GPC6: variants seen among roughly 807,000 people sequenced by gnomAD.
The protein encoded by GPC6 is glypican 6.
In GPC6, 14 loss-of-function variants were observed where a neutral mutation model predicts 55.2. The observed-to-expected ratio is 0.25, with a 90% CI of 0.17 to 0.40. The LOEUF (loss-of-function observed/expected upper bound fraction) is 0.40, where lower values mean the gene tolerates loss of function less well. Among genes scored for constraint, GPC6 ranks in the 10% least tolerant of loss-of-function variants. The probability of loss-of-function intolerance (pLI) is 1.00; values close to 1 mark genes in which losing one functional copy is unlikely to be tolerated. For synonymous variants in GPC6, 278 were observed against 259.6 expected, an observed-to-expected ratio of 1.07 and a Z score of -0.68; for missense variants, 641 against 708.5, an observed-to-expected ratio of 0.90 and a Z score of 1.08.
chr13:93,825,260 G>A (rs1887190351), intron 2 of GPC6, among the ~76,000 whole-genome samples: 1 of 152,052 alleles, frequency 6.6e-6, no homozygotes, highest in Non-Finnish European at 1.5e-5. Flanking sequence ...AAAGGTAGAG[G>A]CCAGGCATAC....
intron 1 of GPC6, among the ~76,000 whole-genome samples, chr13:93,336,506 G>C (rs765383000): frequency 1.8e-4 from 28 of 152,074 alleles, no homozygotes; most frequent in Non-Finnish European, 7.4e-5. Context: ...AGAAAGGCAG[G>C]GTGCTTTTAT....
At chr13:93,999,866 A>C (rs563863061) in intron 3 of GPC6, among the ~76,000 whole-genome samples, 30 of 152,290 alleles carry the variant, frequency 2.0e-4, no homozygotes, top group African/African-American at 6.7e-4. Context: ...AACAAAACCA[A>C]ACATTTATAC....
intron 4 of GPC6, among the ~76,000 whole-genome samples, chr13:94,254,814 T>C (rs1248822900): frequency 6.6e-6 from 1 of 152,174 alleles, no homozygotes; most frequent in African/African-American, 2.4e-5. Context: ...TTCCAAACTC[T>C]GCTCATCAGT....
intron 4 of GPC6, among the ~76,000 whole-genome samples, chr13:94,088,534 GAAAA>G (rs1885365444): frequency 1.0e-5 from 1 of 96,438 alleles, no homozygotes; most frequent in Non-Finnish European, 1.9e-5. Flanking sequence ...ATATTAAAAA[GAAAA>G]AGAGAGGGAA....
At chr13:93,997,403 C>T (rs1412894975) in intron 3 of GPC6, among the ~76,000 whole-genome samples, 1 of 152,152 alleles carries the variant, frequency 6.6e-6, no homozygotes, top group East Asian at 1.9e-4. Flanking sequence ...TATGCATCGA[C>T]TTTACCCAAT....
At chr13:93,691,032 G>A (rs543645530) in intron 2 of GPC6, among the ~76,000 whole-genome samples, 38 of 151,918 alleles carry the variant, frequency 2.5e-4, no homozygotes, top group Middle Eastern at 3.4e-3. Context: ...TAATCTATTC[G>A]CTTCAGCTTT....
chr13:93,562,407 T>G (rs1875860772), intron 2 of GPC6, among the ~76,000 whole-genome samples: 1 of 152,156 alleles, frequency 6.6e-6, no homozygotes. Flanking sequence ...AACAGGATAC[T>G]ATCATGAGAA....
At chr13:94,151,144 C>T (rs1311777251) in intron 4 of GPC6, among the ~76,000 whole-genome samples, 1 of 151,884 alleles carries the variant, frequency 6.6e-6, no homozygotes, top group Non-Finnish European at 1.5e-5. Context: ...GAGGTAGAGG[C>T]AGGTGTGGAA....
chr13:93,997,581 A>ATGTGTGTGTGTGTGTG lies in GPC6; in HGVS notation c.712-30137_712-30122dup, dbSNP rs146601294. ...TCACATCAGCATAAAAAGACATAAT[A>ATGTGTGTGTGTGTGTG]TGTGTGTGTGTGTGTGTGTGTGTGT... On this transcript the variant is annotated intron_variant, in intron 3 of 8. Transcript: ENST00000377047. Among the ~76,000 whole-genome samples, 880 of 148,914 alleles carry ATGTGTGTGTGTGTGTG rather than the reference A, an allele frequency of 5.9e-3. 16 individuals carry two copies. Among genetic ancestry groups the ATGTGTGTGTGTGTGTG allele is most frequent in the East Asian group, 0.039 (194 of 5,016 alleles).
chr13:93,534,251 T>C (rs1881970824), intron 1 of GPC6, among the ~76,000 whole-genome samples: 2 of 152,172 alleles, frequency 1.3e-5, no homozygotes. Flanking sequence ...TGCCATCACC[T>C]TTCAGCTTTG....
At chr13:93,392,668 A>T (rs1210131296) in intron 1 of GPC6, among the ~76,000 whole-genome samples, 1 of 152,196 alleles carries the variant, frequency 6.6e-6, no homozygotes, top group Non-Finnish European at 1.5e-5. Flanking sequence ...AATTAAATAT[A>T]TGGGCAATGT....
intron 1 of GPC6, among the ~76,000 whole-genome samples, chr13:93,232,743 A>G (rs377091083): frequency 9.2e-5 from 14 of 152,262 alleles, no homozygotes; most frequent in African/African-American, 3.4e-4. Flanking sequence ...AAAATTATGG[A>G]TGAAATTTAC....
At chr13:93,625,582 C>A (rs371156337) in intron 2 of GPC6, among the ~76,000 whole-genome samples, 1 of 152,134 alleles carries the variant, frequency 6.6e-6, no homozygotes, top group African/African-American at 2.4e-5. Flanking sequence ...CCCATCCTGT[C>A]CTTGAAGAGA....
At chr13:94,164,454 G>A (rs1888279875) in intron 4 of GPC6, among the ~76,000 whole-genome samples, 2 of 152,152 alleles carry the variant, frequency 1.3e-5, no homozygotes, top group Admixed American at 1.3e-4. Flanking sequence ...ATTCTTGTAT[G>A]ATTAAGCAAA....
intron 2 of GPC6, among the ~76,000 whole-genome samples, chr13:93,668,780 G>A (rs1383845398): frequency 1.3e-5 from 2 of 152,096 alleles, no homozygotes; most frequent in Admixed American, 6.6e-5. Context: ...AAAAGAGAAC[G>A]ATTAACTTTT....
intron 6 of GPC6, among the ~76,000 whole-genome samples, chr13:94,341,160 G>A (rs1160775967): frequency 6.6e-6 from 1 of 152,150 alleles, no homozygotes; most frequent in East Asian, 1.9e-4. Flanking sequence ...TATACTAACA[G>A]GTTCTGTAAT....
intron 3 of GPC6, among the ~76,000 whole-genome samples, chr13:93,855,512 G>A (rs76426332): frequency 5.5e-4 from 83 of 151,736 alleles, no homozygotes; most frequent in Admixed American, 3.3e-3. Context: ...GTTTTTGTGT[G>A]GATATGTTTT....
intron 2 of GPC6, among the ~76,000 whole-genome samples, chr13:93,681,496 A>C (rs1299046646): frequency 6.6e-6 from 1 of 152,166 alleles, no homozygotes; most frequent in Non-Finnish European, 1.5e-5. Flanking sequence ...AACTAATGGT[A>C]ATAATATACA....
intron 2 of GPC6, among the ~76,000 whole-genome samples, chr13:93,742,376 A>C (rs1053773498): frequency 6.6e-6 from 1 of 152,222 alleles, no homozygotes; most frequent in African/African-American, 2.4e-5. Flanking sequence ...GAGAGTTTGA[A>C]GAAGTTGGCC....
Sources: allele counts gnomAD v4.1 joint callset (sites outside exome capture counted in the v4.1 genomes callset), GRCh38; gene constraint gnomAD v4.1.1; transcripts MANE v1.5; gene names NCBI Gene and HGNC (gene_info 2026-07-23, HGNC 2026-07-21).